CNTNAP3B: variants seen among roughly 807,000 people sequenced by gnomAD.
CNTNAP3B encodes contactin associated protein family member 3B, also known as contactin-associated protein-like 3B.
Under a neutral mutation model 108.9 loss-of-function variants are expected in CNTNAP3B, and 25 were observed. The observed-to-expected ratio is 0.23, with a 90% CI of 0.17 to 0.32. The LOEUF (loss-of-function observed/expected upper bound fraction) is 0.32, where lower values mean the gene tolerates loss of function less well. Ranked by LOEUF, CNTNAP3B falls within the 10% of genes least tolerant of loss-of-function variation. CNTNAP3B has a pLI of 1.00. For synonymous variants in CNTNAP3B, 103 were observed against 473.4 expected (o/e 0.22, Z 10.16); for missense variants, 252 against 1,210.4 (o/e 0.21, Z 11.75).
intron 15 of CNTNAP3B, among the ~76,000 whole-genome samples, chr9:41,927,440 A>G (rs1823851386): frequency 6.7e-6 from 1 of 150,350 alleles, no homozygotes; most frequent in Non-Finnish European, 1.5e-5. Context: ...AAAGAAAGAG[A>G]GAGAAAGAAA....
At chr9:41,962,005 G>T (rs1430231872) in intron 11 of CNTNAP3B, among the ~76,000 whole-genome samples, 1 of 152,286 alleles carries the variant, frequency 6.6e-6, no homozygotes, top group Non-Finnish European at 1.5e-5. Flanking sequence ...ATAGGGCACA[G>T]ACTAGGTTTG....
At chr9:41,916,078 A>C (rs574078030) in intron 18 of CNTNAP3B, among the ~76,000 whole-genome samples, 293 of 149,350 alleles carry the variant, frequency 2.0e-3, no homozygotes, top group African/African-American at 6.9e-3. Flanking sequence ...CTTTTTAAAA[A>C]ATCTGAGAAA....
rs1381095079 is a variant in CNTNAP3B, at chr9:42,126,603, C to T, written c.85+2407G>A. Among the ~76,000 whole-genome samples, 577 of 134,804 alleles carry T rather than the reference C, an allele frequency of 4.3e-3. 72 individuals are homozygous for T. The highest frequency in any genetic ancestry group is 6.7e-3 in the Non-Finnish European group (425 of 63,650). The allele number at this position is 134,804 out of a possible 152,430, so 88.4% of individuals were successfully genotyped here. Reference sequence around the variant, plus strand: ...TTGAGACGGAGTTTTGCGTTTTGCTCTTGTTGCCCAGGCTGGAGTGCTATG... The same window carrying T: ...TTGAGACGGAGTTTTGCGTTTTGCTTTTGTTGCCCAGGCTGGAGTGCTATG... On this transcript the variant is annotated intron_variant, in intron 1 of 23. Transcript: ENST00000377561.
rs1228458879 is a variant in CNTNAP3B, at chr9:41,990,225, C to T, written c.1333+1385G>A. On this transcript the variant is annotated intron_variant, in intron 8 of 23. Coordinates refer to ENST00000377561, the MANE Select transcript of CNTNAP3B (RefSeq NM_001201380.3). The stretch of plus-strand genomic sequence containing the variant: ...ATTTTATCTGTACTTATTTCCCTAA[C>T]ACTGGTTCTCTCATCAATGAGTTAA... 1.5e-5 allele frequency among the ~76,000 whole-genome samples: 2 copies of T among 137,710 alleles called. 1 individual carries two copies. The highest frequency in any genetic ancestry group is 3.1e-5 in the Non-Finnish European group (2 of 64,654). The allele number at this position is 137,710 out of a possible 152,430, so 90.3% of individuals were successfully genotyped here.
At chr9:41,937,722 G>A (rs1478420695) in intron 14 of CNTNAP3B, among the ~76,000 whole-genome samples, 2 of 151,882 alleles carry the variant, frequency 1.3e-5, no homozygotes, top group African/African-American at 2.4e-5. Flanking sequence ...GGTGCTTGAA[G>A]CTTTGCTATT....
chr9:42,089,475 T>C (rs1016223716), intron 2 of CNTNAP3B, among the ~76,000 whole-genome samples: 1 of 141,210 alleles, frequency 7.1e-6, no homozygotes, highest in African/African-American at 2.8e-5. Flanking sequence ...AAACCATTTG[T>C]GGGTCATTTC....
intron 18 of CNTNAP3B, among the ~76,000 whole-genome samples, chr9:41,918,404 T>G (rs1209579508): frequency 6.1e-5 from 9 of 146,700 alleles, no homozygotes; most frequent in African/African-American, 2.3e-4. Context: ...TATGAAAGGT[T>G]GATATTTTAA....
intron 11 of CNTNAP3B, among the ~76,000 whole-genome samples, chr9:41,963,065 C>A (rs1432011782): frequency 2.0e-5 from 3 of 152,276 alleles, no homozygotes; most frequent in African/African-American, 7.2e-5. Context: ...GAGAGTCACT[C>A]CTGGACTGTC....
chr9:41,924,892 G>A (rs1343410599), intron 15 of CNTNAP3B, among the ~76,000 whole-genome samples: 1 of 152,266 alleles, frequency 6.6e-6, no homozygotes, highest in African/African-American at 2.4e-5. Context: ...TTGACTTTCA[G>A]AATGTTCCTC....
chr9:42,128,162 A>C (rs1185547060), intron 1 of CNTNAP3B, among the ~76,000 whole-genome samples: 3 of 138,854 alleles, frequency 2.2e-5, no homozygotes, highest in Non-Finnish European at 4.6e-5. Context: ...CCGAAAAAAA[A>C]ATGTGCAATG....
chr9:41,941,602 C>T (rs1489861198), intron 13 of CNTNAP3B, among the ~76,000 whole-genome samples: 1 of 123,242 alleles, frequency 8.1e-6, no homozygotes, highest in Admixed American at 8.6e-5. Context: ...ATTCTCACAA[C>T]AAGAAAAAAG....
At chr9:42,035,780 C>T (rs1309865301) in intron 3 of CNTNAP3B, among the ~76,000 whole-genome samples, 2 of 150,616 alleles carry the variant, frequency 1.3e-5, no homozygotes, top group Non-Finnish European at 1.5e-5. Flanking sequence ...GCATTAGCCT[C>T]CTGAGCAGCT....
intron 18 of CNTNAP3B, among the ~76,000 whole-genome samples, chr9:41,916,559 T>TATC (rs1328092423): frequency 5.6e-4 from 85 of 151,348 alleles, no homozygotes; most frequent in African/African-American, 2.0e-3. Flanking sequence ...ATATATTTAC[T>TATC]ATCTTTTATA....
chr9:41,944,833 A>T (rs1225714573), intron 13 of CNTNAP3B, among the ~76,000 whole-genome samples: 1 of 152,298 alleles, frequency 6.6e-6, no homozygotes, highest in Non-Finnish European at 1.5e-5. Context: ...TGAACAGGCA[A>T]CCTATAGAAT....
At chr9:41,964,944 T>C (rs1440088518) in intron 10 of CNTNAP3B, among the ~76,000 whole-genome samples, 2 of 152,232 alleles carry the variant, frequency 1.3e-5, no homozygotes, top group African/African-American at 4.8e-5. Flanking sequence ...ATTACACACA[T>C]AAAACTATGA....
intron 2 of CNTNAP3B, among the ~76,000 whole-genome samples, chr9:42,099,286 G>C (rs1319891675): frequency 2.4e-5 from 3 of 122,694 alleles, no homozygotes; most frequent in African/African-American, 1.0e-4. Context: ...TTTCCACAGT[G>C]ACCCACATCA....
At chr9:41,966,679 C>T (rs1825286529) in intron 10 of CNTNAP3B, among the ~76,000 whole-genome samples, 1 of 152,272 alleles carries the variant, frequency 6.6e-6, no homozygotes, top group South Asian at 2.1e-4. Context: ...AAGTTAAAAC[C>T]TATCCTGGCT....
chr9:41,934,176 T>TATACACACACACACATATATATAC (rs1564148370), intron 14 of CNTNAP3B, among the ~76,000 whole-genome samples: 9 of 106,106 alleles, frequency 8.5e-5, no homozygotes, highest in African/African-American at 3.1e-4. Flanking sequence ...CACATATATA[T>TATACACACACACACATATATATAC]ACACACACAC....
intron 15 of CNTNAP3B, among the ~76,000 whole-genome samples, chr9:41,926,227 TA>T (rs1214412992): frequency 6.6e-6 from 1 of 152,218 alleles, no homozygotes; most frequent in African/African-American, 2.4e-5. Flanking sequence ...TCACTTTTTT[TA>T]CATATTTGCT....
Sources: gnomAD v4.1 joint callset for allele counts (sites outside exome capture counted in the v4.1 genomes callset) on GRCh38, gnomAD v4.1.1 for gene constraint, MANE v1.5 for transcripts, NCBI Gene and HGNC (gene_info 2026-07-23, HGNC 2026-07-21) for gene names.